Variants in ASIC2 observed in about 807,000 individuals in gnomAD.
ASIC2 encodes the protein acid-sensing ion channel 2.
Under a neutral mutation model 57.3 loss-of-function variants are expected in ASIC2, and 25 were observed. The ratio of observed to expected loss-of-function variants is 0.44; its 90% CI spans 0.32 to 0.61. The LOEUF (loss-of-function observed/expected upper bound fraction) is 0.61, where lower values mean the gene tolerates loss of function less well. Ranked by LOEUF, ASIC2 falls within the 20% of genes least tolerant of loss-of-function variation. The probability of loss-of-function intolerance (pLI) is 0.06; values close to 1 mark genes in which losing one functional copy is unlikely to be tolerated. For synonymous variants in ASIC2, 319 were observed against 307.5 expected (o/e 1.04, Z -0.39); for missense variants, 641 against 738.1 (o/e 0.87, Z 1.52).
intron 1 of ASIC2, among the ~76,000 whole-genome samples, chr17:33,197,836 T>C (rs1906697336): frequency 6.6e-6 from 1 of 152,160 alleles, no homozygotes; most frequent in Non-Finnish European, 1.5e-5. Flanking sequence ...GTAGTCATTA[T>C]AAAGGTCTAT....
intron 3 of ASIC2, among the ~76,000 whole-genome samples, chr17:33,069,325 T>C (rs1219919022): frequency 6.6e-6 from 1 of 152,210 alleles, no homozygotes; most frequent in Non-Finnish European, 1.5e-5. Flanking sequence ...TTCTGTGGAG[T>C]GCTGTATAAG....
intron 1 of ASIC2, among the ~76,000 whole-genome samples, chr17:34,101,248 C>T (rs1910853260): frequency 6.6e-6 from 1 of 152,218 alleles, no homozygotes; most frequent in Non-Finnish European, 1.5e-5. Flanking sequence ...ACCAGAGACA[C>T]ATACATATAC....
At chr17:33,523,078 C>A (rs1006014238) in intron 1 of ASIC2, among the ~76,000 whole-genome samples, 10 of 152,206 alleles carry the variant, frequency 6.6e-5, no homozygotes, top group African/African-American at 2.2e-4. Context: ...TTTGCAGATT[C>A]TTCTGTCTTA....
chr17:33,898,086 CAA>C (rs1363364616), intron 1 of ASIC2, among the ~76,000 whole-genome samples: 1 of 152,068 alleles, frequency 6.6e-6, no homozygotes, highest in Non-Finnish European at 1.5e-5. Context: ...CCAAGCAAGA[CAA>C]TATTTAATCT....
intron 1 of ASIC2, among the ~76,000 whole-genome samples, chr17:33,705,886 C>T (rs1380520215): frequency 6.6e-6 from 1 of 152,172 alleles, no homozygotes; most frequent in Admixed American, 6.5e-5. Context: ...GTCCACTTCA[C>T]TCATTTTCAA....
chr17:33,181,004 G>A (rs1259380921), intron 1 of ASIC2, among the ~76,000 whole-genome samples: 1 of 152,138 alleles, frequency 6.6e-6, no homozygotes, highest in Admixed American at 6.5e-5. Flanking sequence ...GGGAGTTTCG[G>A]TTGGCTGAGG....
chr17:34,124,746 G>A (rs1469016311), intron 1 of ASIC2, among the ~76,000 whole-genome samples: 2 of 151,988 alleles, frequency 1.3e-5, no homozygotes, highest in Non-Finnish European at 1.5e-5. Flanking sequence ...TGTGACATTC[G>A]CACATCATGG....
intron 1 of ASIC2, among the ~76,000 whole-genome samples, chr17:33,467,877 T>G (rs773500946): frequency 3.7e-4 from 57 of 152,328 alleles, no homozygotes; most frequent in Admixed American, 5.9e-4. Context: ...CTTGGACACA[T>G]GTTCTCAGGA....
intron 1 of ASIC2, among the ~76,000 whole-genome samples, chr17:33,743,447 T>A (rs1025737187): frequency 2.0e-5 from 3 of 152,266 alleles, no homozygotes; most frequent in Non-Finnish European, 2.9e-5. Flanking sequence ...TAATTTTATG[T>A]GTCAACTTGG....
chr17:34,039,653 G>A, intron 1 of ASIC2: 3 of 1,612,926 alleles, frequency 1.9e-6, no homozygotes, highest in Middle Eastern at 3.3e-4. Context: ...CCTTTCCCTT[G>A]GCTACTTTCA....
chr17:34,053,602 T>C (rs1237176617), intron 1 of ASIC2, among the ~76,000 whole-genome samples: 1 of 152,210 alleles, frequency 6.6e-6, no homozygotes, highest in African/African-American at 2.4e-5. Flanking sequence ...CCACATAATC[T>C]GCCCAATTAA....
intron 1 of ASIC2, among the ~76,000 whole-genome samples, chr17:33,853,436 G>C (rs1913828639): frequency 6.6e-6 from 1 of 152,194 alleles, no homozygotes; most frequent in African/African-American, 2.4e-5. Flanking sequence ...GGAGACAACA[G>C]GGCCAAAGGG....
At chr17:33,860,544 A>G (rs1283724020) in intron 1 of ASIC2, among the ~76,000 whole-genome samples, 1 of 152,184 alleles carries the variant, frequency 6.6e-6, no homozygotes, top group Non-Finnish European at 1.5e-5. Context: ...TTTACACAAC[A>G]TGGGAGTTGC....
chr17:34,154,543 T>G (rs1331176412), intron 1 of ASIC2, among the ~76,000 whole-genome samples: 1 of 152,136 alleles, frequency 6.6e-6, no homozygotes, highest in Non-Finnish European at 1.5e-5. Context: ...CTGGGCTTTT[T>G]CAGAATCAGA....
At chr17:34,072,580 A>G (rs1163523132) in intron 1 of ASIC2, among the ~76,000 whole-genome samples, 1 of 152,214 alleles carries the variant, frequency 6.6e-6, no homozygotes, top group African/African-American at 2.4e-5. Flanking sequence ...TAACAAAATG[A>G]AAGTCACCCA....
At chr17:33,684,679 T>G (rs115378727) in intron 1 of ASIC2, among the ~76,000 whole-genome samples, 2 of 152,204 alleles carry the variant, frequency 1.3e-5, no homozygotes, top group Admixed American at 1.3e-4. Context: ...GTCATTATCT[T>G]TTTTAGATTC....
chr17:33,458,861 T>C (rs1030481874), intron 1 of ASIC2, among the ~76,000 whole-genome samples: 1 of 152,172 alleles, frequency 6.6e-6, no homozygotes, highest in Non-Finnish European at 1.5e-5. Flanking sequence ...TTTTCCTTCA[T>C]TTCTAGTAAA....
chr17:33,263,727 G>C (rs997254389), intron 1 of ASIC2, among the ~76,000 whole-genome samples: 1 of 147,448 alleles, frequency 6.8e-6, no homozygotes, highest in Non-Finnish European at 1.5e-5. Context: ...TGTCTGGGCT[G>C]CACAGATCTG....
At chr17:33,586,751 C>T (rs531747457) in intron 1 of ASIC2, among the ~76,000 whole-genome samples, 4 of 152,222 alleles carry the variant, frequency 2.6e-5, no homozygotes, top group Non-Finnish European at 5.9e-5. Flanking sequence ...TCCATCTAAA[C>T]TGGCTCCATC....
Sources: allele counts gnomAD v4.1 joint callset (sites outside exome capture counted in the v4.1 genomes callset), GRCh38; gene constraint gnomAD v4.1.1; transcripts MANE v1.5; gene names NCBI Gene and HGNC (gene_info 2026-07-23, HGNC 2026-07-21).